The following FAT3 variants were observed in gnomAD, a reference collection of about 807,000 sequenced individuals.
FAT3 encodes FAT atypical cadherin 3.
Under a neutral mutation model 310.2 loss-of-function variants are expected in FAT3, and 95 were observed. The observed-to-expected ratio is 0.31, with a 90% CI of 0.26 to 0.36. The LOEUF (loss-of-function observed/expected upper bound fraction) is 0.36, where lower values mean the gene tolerates loss of function less well. Ranked by LOEUF, FAT3 falls within the 10% of genes least tolerant of loss-of-function variation. The pLI is 1.00. For missense variants in FAT3, 5,408 were observed against 5,715.6 expected, an observed-to-expected ratio of 0.95 and a Z score of 1.74; for synonymous variants, 2,314 against 2,192.9, an observed-to-expected ratio of 1.06 and a Z score of -1.54.
chr11:92,287,053 C>T (rs1345311611), intron 1 of FAT3, among the ~76,000 whole-genome samples: 1 of 152,114 alleles, frequency 6.6e-6, no homozygotes, highest in African/African-American at 2.4e-5. Context: ...GCACTTTAAA[C>T]AGTAGATTCT....
chr11:92,652,988 C>T (rs56162914), intron 3 of FAT3, among the ~76,000 whole-genome samples: 4,499 of 152,170 alleles, frequency 0.03, 219 homozygotes, highest in African/African-American at 0.1. Flanking sequence ...CATGGTGAAA[C>T]CCCGTCTCTA....
At chr11:92,706,003 G>T (rs1453025755) in intron 4 of FAT3, among the ~76,000 whole-genome samples, 4 of 151,414 alleles carry the variant, frequency 2.6e-5, no homozygotes, top group Non-Finnish European at 5.9e-5. Flanking sequence ...GGTGGTGGTG[G>T]TGGAGGAGAT....
chr11:92,595,961 T>G (rs968313360), intron 3 of FAT3, among the ~76,000 whole-genome samples: 1 of 152,080 alleles, frequency 6.6e-6, no homozygotes, highest in Non-Finnish European at 1.5e-5. Flanking sequence ...AACAAGAGAG[T>G]ACATTGGGCA....
At chr11:92,537,482 C>T (rs777240468) in intron 3 of FAT3, among the ~76,000 whole-genome samples, 3 of 152,110 alleles carry the variant, frequency 2.0e-5, no homozygotes, top group Non-Finnish European at 4.4e-5. Context: ...TACTGACCCC[C>T]AGTCTTTCCC....
In FAT3 at chr11:92,880,779, C is replaced by T. The variant is rs2136397862; in HGVS notation, c.12176C>T (p.Ser4059Phe). 1 of 1,613,942 alleles carries T rather than the reference C, an allele frequency of 6.2e-7. No individual in the cohort carries two copies. The highest frequency in any genetic ancestry group is 8.5e-7 in the Non-Finnish European group (1 of 1,179,868). The change falls in exon 23 of 28, where the codon TCT becomes TTT. Residue 4059 changes from serine (S) to phenylalanine (F), a missense_variant. Ser to Phe is a radical substitution (Grantham distance 155). This residue lies in a region of FAT3 where 14 missense variants were observed against 34.4 expected (regional missense o/e 0.41). Transcript: ENST00000525166. ...LSQFTGRNCE[S>F]EITACFPNPC... ...CAGTTTACGGGGAGAAACTGTGAAT[C>T]TGAGATTACAGCCTGCTTCCCAAAC... is the stretch of plus-strand genomic sequence containing the variant.
rs145071411 is a variant in FAT3, at chr11:92,688,611, C to G, written c.3608-8773C>G. Among the ~76,000 whole-genome samples the G allele has an allele frequency of 3.4e-3, 521 of 152,144 alleles. 3 individuals are homozygous for G. The highest frequency in any genetic ancestry group is 0.012 in the African/African-American group (492 of 41,502). ...TGACGTGAGTATTTTTTAAAACTCC[C>G]CAGGTGATTCCAGGGCACAGCCAAG... On this transcript the variant is annotated intron_variant, in intron 3 of 27. Coordinates refer to ENST00000525166, the MANE Select transcript of FAT3 (RefSeq NM_001367949.2).
At chr11:92,661,096 A>G (rs570638426) in intron 3 of FAT3, among the ~76,000 whole-genome samples, 4 of 152,336 alleles carry the variant, frequency 2.6e-5, no homozygotes, top group Middle Eastern at 3.4e-3. Context: ...TAAGCAAAAT[A>G]AATGTATTTG....
At chr11:92,665,061 C>T (rs548561864) in intron 3 of FAT3, among the ~76,000 whole-genome samples, 10 of 152,328 alleles carry the variant, frequency 6.6e-5, no homozygotes, top group South Asian at 2.1e-4. Context: ...TCTGCACTCA[C>T]GTTCCTCCAA....
chr11:92,790,871 G>A (rs1947023828), intron 8 of FAT3, among the ~76,000 whole-genome samples: 1 of 152,172 alleles, frequency 6.6e-6, no homozygotes, highest in Admixed American at 6.5e-5. Context: ...TTTATGGCCT[G>A]AAGTCTATCT....
chr11:92,607,529 C>A (rs1940358283), intron 3 of FAT3, among the ~76,000 whole-genome samples: 1 of 152,050 alleles, frequency 6.6e-6, no homozygotes, highest in Admixed American at 6.6e-5. Flanking sequence ...AGCTTTAAAG[C>A]AAATGTTTGG....
intron 13 of FAT3, among the ~76,000 whole-genome samples, chr11:92,829,071 C>T (rs1948171998): frequency 6.6e-6 from 1 of 152,176 alleles, no homozygotes; most frequent in African/African-American, 2.4e-5. Context: ...TTACCTTCTT[C>T]CATAACTGAT....
At chr11:92,886,654 A>T (rs919334185) in intron 24 of FAT3, among the ~76,000 whole-genome samples, 3 of 152,238 alleles carry the variant, frequency 2.0e-5, no homozygotes, top group African/African-American at 7.2e-5. Context: ...CATGTAAATG[A>T]TGTAAATTAA....
rs377734499 is a variant in FAT3 at position 92,478,957 on chromosome 11, CT to C, written c.3293-45673del. 1.3e-3 allele frequency among the ~76,000 whole-genome samples: 108 copies of C among 82,622 alleles called. 2 individuals are homozygous for C. The highest frequency in any genetic ancestry group is 2.1e-3 in the Non-Finnish European group (77 of 36,260). The allele number at this position is 82,622 out of a possible 152,430, so 54.2% of individuals were successfully genotyped here. A position where few individuals can be genotyped will look rare whatever the true frequency, so the allele number is the denominator to read the frequency against. On this transcript the variant is annotated intron_variant, in intron 2 of 27. Transcript: ENST00000525166. ...TTCTCTTTCTTTCTTTCTTTCTTTT[CT>C]TTTCTTTTCTTTTCTTTTCTTTTCT...
chr11:92,639,897 C>G (rs958818892), intron 3 of FAT3, among the ~76,000 whole-genome samples: 1 of 152,118 alleles, frequency 6.6e-6, no homozygotes, highest in African/African-American at 2.4e-5. Flanking sequence ...GCCGGAGCTA[C>G]ATTGGTTCAT....
At chr11:92,630,846 G>T (rs931906204) in intron 3 of FAT3, among the ~76,000 whole-genome samples, 3 of 152,112 alleles carry the variant, frequency 2.0e-5, no homozygotes, top group Admixed American at 6.5e-5. Context: ...AGAAAGTATG[G>T]CTTCTTCATG....
rs769875225 is a variant in FAT3, at chr11:92,762,169, C to T, written c.3983C>T (p.Thr1328Met). The change falls in exon 5 of 28, where the codon ACG (threonine) becomes ATG (methionine). Residue 1328 changes from threonine (T) to methionine (M), a missense_variant and splice_region_variant. Physicochemically the swap from Thr to Met is moderately conservative, Grantham distance 81 (BLOSUM62 -1). This residue lies in a region of FAT3 where 4,588 missense variants were observed against 4,809.8 expected (regional missense o/e 0.95). Coordinates refer to ENST00000525166, the MANE Select transcript of FAT3 (RefSeq NM_001367949.2). Reference protein sequence around the residue: ...QFTAGSYDILTIKAVDNGRPQ... With the variant: ...QFTAGSYDILMIKAVDNGRPQ... ...ACAGCAGGCAGTTATGACATCCTAA[C>T]GGTAAGATCTTCCAAACTCCAGCAG... 6.9e-6 allele frequency: 11 copies of T among 1,605,476 alleles called. No individual in the cohort carries two copies. The highest frequency in any genetic ancestry group is 2.2e-5 in the East Asian group (1 of 44,732).
At chr11:92,777,728 T>A (rs1946632646) in intron 7 of FAT3, among the ~76,000 whole-genome samples, 1 of 152,112 alleles carries the variant, frequency 6.6e-6, no homozygotes, top group African/African-American at 2.4e-5. Flanking sequence ...ACCTAACTTC[T>A]CCGCACCCTA....
chr11:92,728,602 C>T (rs377121083), intron 4 of FAT3, among the ~76,000 whole-genome samples: 1 of 152,172 alleles, frequency 6.6e-6, no homozygotes, highest in African/African-American at 2.4e-5. Flanking sequence ...CTTAAAACAA[C>T]AAGAATTTAT....
intron 1 of FAT3, among the ~76,000 whole-genome samples, chr11:92,269,327 C>T (rs926868930): frequency 6.6e-6 from 1 of 152,100 alleles, no homozygotes; most frequent in Non-Finnish European, 1.5e-5. Context: ...GAATTCAAAT[C>T]ATTTAGGTCT....
Sources: gnomAD v4.1 joint callset for allele counts (sites outside exome capture counted in the v4.1 genomes callset) on GRCh38, gnomAD v4.1.1 for gene constraint, gnomAD v4.1.1 regional missense constraint, MANE v1.5 for transcripts, NCBI Gene and HGNC (gene_info 2026-07-23, HGNC 2026-07-21) for gene names.